The following TACC1 variants were observed in gnomAD, a reference collection of about 807,000 sequenced individuals.
TACC1 encodes transforming acidic coiled-coil-containing protein 1.
In TACC1, 48 loss-of-function variants were observed where a neutral mutation model predicts 84.4. The observed-to-expected ratio is 0.57, with a 90% CI of 0.45 to 0.72. TACC1 has a LOEUF of 0.72. TACC1 is among the 30% of genes least tolerant of loss of function. The probability of loss-of-function intolerance (pLI) is 0.00; values close to 1 mark genes in which losing one functional copy is unlikely to be tolerated. For synonymous variants in TACC1, 372 were observed against 376.3 expected, an observed-to-expected ratio of 0.99 and a Z score of 0.13; for missense variants, 920 against 973.0, an observed-to-expected ratio of 0.95 and a Z score of 0.72.
chr8:38,731,767 C>CAAA (rs1554622164), intron 1 of TACC1, among the ~76,000 whole-genome samples: 12 of 151,480 alleles, frequency 7.9e-5, no homozygotes, highest in East Asian at 3.9e-4. Flanking sequence ...ACAACAACAA[C>CAAA]AAAACTAGTC....
chr8:38,761,735 G>T (rs1484161125), intron 3 of TACC1, among the ~76,000 whole-genome samples: 2 of 152,230 alleles, frequency 1.3e-5, no homozygotes, highest in Non-Finnish European at 2.9e-5. Flanking sequence ...AAGCATGTCA[G>T]TTCCCATTTG....
exon 3 of TACC1, chr8:38,745,144 G>A (rs1487482150): frequency 8.4e-6 from 2 of 237,210 alleles, no homozygotes; most frequent in East Asian, 1.6e-4. Context: ...AGTCAAAGAA[G>A]GCATCTGCAG....
chr8:38,768,105 A>T (rs1812619123), intron 3 of TACC1, among the ~76,000 whole-genome samples: 3 of 146,418 alleles, frequency 2.0e-5, no homozygotes, highest in African/African-American at 5.3e-5. Flanking sequence ...GGAAGGAAGG[A>T]AGGAAGGAAG....
chr8:38,823,382 C>T lies in TACC1; in HGVS notation c.1392-1926C>T, dbSNP rs1335756664. On this transcript the variant is annotated intron_variant, in intron 3 of 12. Transcript: ENST00000317827. ...CAGCACTTAGGGTATGTACTGGGCA[C>T]GTCACTGCCTAGGTACTTCCTCCCC... Among the ~76,000 whole-genome samples the T allele has an allele frequency of 7.2e-5, 11 of 152,116 alleles. 1 individual carries two copies. In the South Asian group the frequency reaches 2.3e-3, roughly 32 times the overall value.
intron 2 of TACC1, among the ~76,000 whole-genome samples, chr8:38,794,337 G>A (rs1419685996): frequency 1.3e-5 from 2 of 151,902 alleles, no homozygotes; most frequent in Non-Finnish European, 2.9e-5. Flanking sequence ...GGGTTTCACT[G>A]TGTTGCCCAG....
At chr8:38,777,431 C>T (rs568947648) in intron 3 of TACC1, among the ~76,000 whole-genome samples, 35 of 152,252 alleles carry the variant, frequency 2.3e-4, no homozygotes, top group African/African-American at 8.2e-4. Flanking sequence ...AGTTGTGACA[C>T]GCAGTTCACA....
At chr8:38,780,126 G>A (rs549430444) in intron 3 of TACC1, among the ~76,000 whole-genome samples, 4 of 152,182 alleles carry the variant, frequency 2.6e-5, no homozygotes, top group African/African-American at 9.6e-5. Flanking sequence ...TTAATTACTT[G>A]TAAGTTGGAT....
chr8:38,740,310 G>A (rs536086236), intron 1 of TACC1, among the ~76,000 whole-genome samples: 3 of 152,288 alleles, frequency 2.0e-5, no homozygotes, highest in Admixed American at 6.5e-5. Flanking sequence ...CTTTGCTCAA[G>A]CCTCTGCTTC....
Position 38,851,818 on chromosome 8 carries a change from T to C in TACC1, c.*3795T>C. 7.4e-6 allele frequency: 3 copies of C among 404,488 alleles called. No individual in the cohort carries two copies. Among genetic ancestry groups the C allele is most frequent in the East Asian group, 7.2e-5 (1 of 13,828 alleles). The allele number at this position is 404,488 out of a possible 1,614,324, so 25.1% of individuals were successfully genotyped here. Reference sequence around the variant, plus strand: ...TAAAAGATAACAGATTATTTGCTTATGAAAGAACAATATAGTCTGGGAATC... The same window carrying C: ...TAAAAGATAACAGATTATTTGCTTACGAAAGAACAATATAGTCTGGGAATC... On this transcript the variant is annotated 3_prime_UTR_variant, in exon 13 of 13. Coordinates refer to ENST00000317827, the MANE Select transcript of TACC1 (RefSeq NM_006283.3).
upstream of TACC1, among the ~76,000 whole-genome samples, chr8:38,784,295 G>A (rs879766655): frequency 6.6e-6 from 1 of 152,142 alleles, no homozygotes; most frequent in African/African-American, 2.4e-5. Flanking sequence ...GCTGCAGGCC[G>A]GGTGCGGTGG....
At chr8:38,783,354 G>T (rs901914201), upstream of TACC1, among the ~76,000 whole-genome samples, 7 of 151,876 alleles carry the variant, frequency 4.6e-5, no homozygotes, top group Non-Finnish European at 1.0e-4. Context: ...CAGGTGGGGG[G>T]CTCAGCCAAG....
chr8:38,768,126 G>A (rs1344573316), intron 3 of TACC1, among the ~76,000 whole-genome samples: 1 of 150,118 alleles, frequency 6.7e-6, no homozygotes, highest in Non-Finnish European at 1.5e-5. Context: ...GAAGGTAGGG[G>A]AAGGGAAGGG....
At chr8:38,776,705 A>C (rs1814862359) in intron 3 of TACC1, among the ~76,000 whole-genome samples, 1 of 152,190 alleles carries the variant, frequency 6.6e-6, no homozygotes, top group Non-Finnish European at 1.5e-5. Context: ...GACAAGCAAA[A>C]CGTTTTGGAT....
chr8:38,826,312 T>C (rs1348357280), intron 4 of TACC1, among the ~76,000 whole-genome samples: 1 of 152,214 alleles, frequency 6.6e-6, no homozygotes, highest in Non-Finnish European at 1.5e-5. Flanking sequence ...AAATTTATCT[T>C]TGGTTTTCTT....
intron 5 of TACC1, chr8:38,827,581 C>G: frequency 1.7e-6 from 1 of 595,556 alleles, no homozygotes; most frequent in Non-Finnish European, 3.0e-6. Context: ...ATACTTGTGA[C>G]AAGTTGTATA....
chr8:38,791,114 C>T (rs987971697), intron 2 of TACC1, among the ~76,000 whole-genome samples: 14 of 152,104 alleles, frequency 9.2e-5, no homozygotes, highest in Non-Finnish European at 1.9e-4. Flanking sequence ...GCGGCCCTTC[C>T]TCATCGTTTT....
intron 3 of TACC1, among the ~76,000 whole-genome samples, chr8:38,823,186 A>G (rs1423381904): frequency 6.6e-6 from 1 of 152,214 alleles, no homozygotes; most frequent in Non-Finnish European, 1.5e-5. Context: ...AAGTAGAGAG[A>G]TATAGGAACC....
intron 7 of TACC1, among the ~76,000 whole-genome samples, 195 bp from the exon 8 acceptor site, chr8:38,838,275 C>T (rs1200101881): frequency 6.6e-6 from 1 of 152,198 alleles, no homozygotes; most frequent in Admixed American, 6.5e-5. Flanking sequence ...ATCTTTATTC[C>T]CGTGTCTGCA....
intron 3 of TACC1, chr8:38,757,273 G>A: frequency 8.1e-7 from 1 of 1,230,398 alleles, no homozygotes; most frequent in Admixed American, 2.7e-5. Flanking sequence ...CCCAGGGTCT[G>A]GGCACAGCCG....
Sources: allele counts gnomAD v4.1 joint callset (sites outside exome capture counted in the v4.1 genomes callset), GRCh38; gene constraint gnomAD v4.1.1; transcripts MANE v1.5; gene names NCBI Gene and HGNC (gene_info 2026-07-23, HGNC 2026-07-21).